SOX6: variants seen among roughly 807,000 people sequenced by gnomAD.
SOX6 encodes transcription factor SOX-6.
SOX6 carries 11 observed loss-of-function variants against 97.8 expected under a neutral mutation model. The observed-to-expected ratio is 0.11, with a 90% CI of 0.07 to 0.19. The LOEUF is 0.19. Ranked by LOEUF, SOX6 falls within the 10% of genes least tolerant of loss-of-function variation. SOX6 has a pLI of 1.00. For synonymous variants in SOX6, 360 were observed against 371.4 expected (o/e 0.97, Z 0.35); for missense variants, 810 against 1,039.5 (o/e 0.78, Z 3.04).
intron 6 of SOX6, among the ~76,000 whole-genome samples, chr11:16,130,861 T>A (rs539899064): frequency 6.6e-4 from 101 of 152,062 alleles, no homozygotes; most frequent in African/African-American, 1.9e-3. Flanking sequence ...GTCAAGATAA[T>A]TCAGTGAGAA....
chr11:16,122,671 T>A (rs553070583), intron 6 of SOX6, among the ~76,000 whole-genome samples: 1 of 152,124 alleles, frequency 6.6e-6, no homozygotes, highest in South Asian at 2.1e-4. Flanking sequence ...CAGGTTTACA[T>A]CTTAAACTAT....
intron 4 of SOX6, among the ~76,000 whole-genome samples, chr11:16,587,756 A>G (rs576559236): frequency 4.7e-4 from 71 of 152,258 alleles, no homozygotes; most frequent in African/African-American, 1.6e-3. Flanking sequence ...TGCTAGTTGC[A>G]CTCCAAGATT....
chr11:16,528,354 AC>A (rs1861196797), intron 4 of SOX6, among the ~76,000 whole-genome samples: 1 of 152,140 alleles, frequency 6.6e-6, no homozygotes, highest in South Asian at 2.1e-4. Flanking sequence ...TTCAAGGAAG[AC>A]GTTATTCTCA....
chr11:16,419,364 G>A (rs1403435158), intron 1 of SOX6, among the ~76,000 whole-genome samples: 1 of 151,816 alleles, frequency 6.6e-6, no homozygotes, highest in East Asian at 1.9e-4. Context: ...ACAGTTATAT[G>A]CTTTTCCATA....
intron 1 of SOX6, among the ~76,000 whole-genome samples, chr11:16,372,620 T>C (rs1395579218): frequency 6.6e-6 from 1 of 152,066 alleles, no homozygotes. Flanking sequence ...CTCCAAAATA[T>C]ACAGTTAACG....
chr11:16,034,367 T>C (rs139382703), intron 12 of SOX6, among the ~76,000 whole-genome samples: 177 of 152,302 alleles, frequency 1.2e-3, no homozygotes, highest in Non-Finnish European at 2.0e-3. Flanking sequence ...AGGGTTGCAC[T>C]AAAAATAAAA....
chr11:16,524,939 T>C (rs1233456864), intron 4 of SOX6, among the ~76,000 whole-genome samples: 1 of 152,114 alleles, frequency 6.6e-6, no homozygotes, highest in Non-Finnish European at 1.5e-5. Flanking sequence ...GTGAAGGACC[T>C]CTTCAAGGAG....
At chr11:16,722,094 G>C (rs1848271584) in intron 2 of SOX6, among the ~76,000 whole-genome samples, 1 of 151,840 alleles carries the variant, frequency 6.6e-6, no homozygotes, top group Admixed American at 6.6e-5. Flanking sequence ...AGACAACCTA[G>C]GCAATACCAT....
intron 6 of SOX6, among the ~76,000 whole-genome samples, chr11:16,140,606 C>T (rs140105274): frequency 4.6e-5 from 7 of 152,114 alleles, no homozygotes; most frequent in South Asian, 2.1e-4. Context: ...GACCATAAAT[C>T]GTAACTATTG....
chr11:16,301,639 T>C (rs1298629038), intron 3 of SOX6, among the ~76,000 whole-genome samples: 1 of 152,154 alleles, frequency 6.6e-6, no homozygotes, highest in East Asian at 1.9e-4. Flanking sequence ...ACATGACTCA[T>C]GTTGGGGCTA....
intron 4 of SOX6, among the ~76,000 whole-genome samples, chr11:16,550,997 T>C (rs1460934302): frequency 6.6e-6 from 1 of 152,090 alleles, no homozygotes; most frequent in South Asian, 2.1e-4. Context: ...GTGGGAGGAT[T>C]GCTTGAGTCT....
intron 1 of SOX6, among the ~76,000 whole-genome samples, chr11:16,444,819 A>T (rs1230181195): frequency 6.6e-6 from 1 of 152,218 alleles, no homozygotes; most frequent in Non-Finnish European, 1.5e-5. Flanking sequence ...TTAAAAATTT[A>T]ATAGTGAAAT....
At position 16,548,548 on chromosome 11, in the gene SOX6, T is replaced by C. The variant is rs1055199301; in HGVS notation, n.609+63533A>G. Among the ~76,000 whole-genome samples the C allele has an allele frequency of 3.3e-5, 5 of 152,266 alleles. No homozygotes were observed. In the East Asian group the frequency reaches 9.6e-4, roughly 29 times the overall value. On this transcript the variant is annotated intron_variant and non_coding_transcript_variant, in intron 4 of 5. Coordinates refer to the SOX6 transcript ENST00000524520. ...AAGAAAATGTATGAGAAAATATTTC[T>C]GGCCTTGGCTTAGGTAAAGATATCT...
At chr11:16,662,935 TC>T (rs1434433191) in intron 3 of SOX6, among the ~76,000 whole-genome samples, 3 of 151,918 alleles carry the variant, frequency 2.0e-5, no homozygotes, top group African/African-American at 4.8e-5. Context: ...CAAGCAATTC[TC>T]CCACCTTGGC....
intron 4 of SOX6, among the ~76,000 whole-genome samples, chr11:16,602,053 AG>A (rs956593173): frequency 3.3e-5 from 5 of 152,250 alleles, no homozygotes; most frequent in Admixed American, 2.6e-4. Flanking sequence ...CTTAAGGTAT[AG>A]GTACTTGATA....
At chr11:16,629,475 G>A (rs1848673719) in intron 3 of SOX6, among the ~76,000 whole-genome samples, 1 of 152,130 alleles carries the variant, frequency 6.6e-6, no homozygotes, top group Non-Finnish European at 1.5e-5. Flanking sequence ...ACTTTTTGAT[G>A]TACTGTTGGG....
At position 16,218,813 on chromosome 11, in the gene SOX6, T is replaced by C. The variant is rs1009230008; in HGVS notation, c.535+15769A>G. ...TCGACCGAACAAAATGGATGTGGAG[T>C]TCCTCCTTTCATTTAATACTTGGGT... On this transcript the variant is annotated intron_variant, in intron 4 of 15. Coordinates refer to ENST00000683767, the MANE Select transcript of SOX6 (RefSeq NM_001367873.1). Among the ~76,000 whole-genome samples the C allele has an allele frequency of 5.9e-5, 9 of 152,002 alleles. No homozygotes were observed. The South Asian group carries it at 1.2e-3, about 21-fold the overall frequency.
chr11:16,715,029 T>A (rs994464608), intron 2 of SOX6: 1 of 152,160 alleles, frequency 6.6e-6, no homozygotes, highest in Non-Finnish European at 1.5e-5. Flanking sequence ...TACAGTGGAA[T>A]GTTACTAAAA....
chr11:16,275,120 A>C (rs1349671291), intron 3 of SOX6, among the ~76,000 whole-genome samples: 1 of 152,136 alleles, frequency 6.6e-6, no homozygotes, highest in Non-Finnish European at 1.5e-5. Flanking sequence ...ACATTTTCTT[A>C]AATTCCCCTT....
Sources: gnomAD v4.1 joint callset for allele counts (sites outside exome capture counted in the v4.1 genomes callset) on GRCh38, gnomAD v4.1.1 for gene constraint, MANE v1.5 for transcripts, NCBI Gene and HGNC (gene_info 2026-07-23, HGNC 2026-07-21) for gene names.